Variants in ENTPD1 observed in about 807,000 individuals in gnomAD.
The protein encoded by ENTPD1 is ATP diphosphohydrolase.
In ENTPD1, 33 loss-of-function variants were observed where a neutral mutation model predicts 57.0. That is an observed-to-expected ratio of 0.58 (90% CI 0.44 to 0.77). The LOEUF (loss-of-function observed/expected upper bound fraction) is 0.77. Ranked by LOEUF, ENTPD1 falls within the 30% of genes least tolerant of loss-of-function variation. The probability of loss-of-function intolerance (pLI) is 0.00; values close to 1 mark genes in which losing one functional copy is unlikely to be tolerated. For synonymous variants in ENTPD1, 202 were observed against 218.8 expected, an observed-to-expected ratio of 0.92 and a Z score of 0.68; for missense variants, 501 against 603.4, an observed-to-expected ratio of 0.83 and a Z score of 1.78.
chr10:95,799,729 G>A (rs1462565699), intron 1 of ENTPD1, among the ~76,000 whole-genome samples: 2 of 152,122 alleles, frequency 1.3e-5, no homozygotes, highest in Non-Finnish European at 2.9e-5. Flanking sequence ...TTCCAAAATG[G>A]TTAAACTAAT....
intron 2 of ENTPD1, among the ~76,000 whole-genome samples, chr10:95,837,862 G>A (rs2098413781): frequency 6.6e-6 from 1 of 151,896 alleles, no homozygotes; most frequent in South Asian, 2.1e-4. Flanking sequence ...CCCTACATTG[G>A]TGTCTCCATG....
rs1301448624 is a variant in ENTPD1, at chr10:95,728,722, A to AT, written c.37+16731dup. Among the ~76,000 whole-genome samples the AT allele has an allele frequency of 7.2e-5, 11 of 152,218 alleles. No individual in the cohort carries two copies. In the South Asian group the frequency reaches 1.2e-3, roughly 17 times the overall value. ...GTTCGTCACACAGTGTTTTAAGCAG[A>AT]TTCTTGCAACACTTGAGCTCCCCAC... On this transcript the variant is annotated intron_variant, in intron 1 of 9. Coordinates refer to the ENTPD1 transcript ENST00000453258.
chr10:95,845,211 C>T (rs2098432370), intron 5 of ENTPD1, 146 bp from the exon 6 acceptor site: 2 of 1,036,746 alleles, frequency 1.9e-6, no homozygotes, highest in African/African-American at 3.2e-5. Flanking sequence ...TGCTGATAAT[C>T]TGTTGTAGAT....
the ENTPD1 span, among the ~76,000 whole-genome samples, chr10:95,703,074 C>T: frequency 9.2e-5 from 14 of 152,000 alleles, no homozygotes; most frequent in Admixed American, 3.3e-4. Context: ...TGTGAGCCAC[C>T]GCGCCCGGCC....
chr10:95,805,899 A>C (rs763531291), intron 1 of ENTPD1, among the ~76,000 whole-genome samples: 12 of 152,136 alleles, frequency 7.9e-5, no homozygotes, highest in East Asian at 5.8e-4. Context: ...GGTAACCCGA[A>C]CTTTCTCTCT....
At chr10:95,826,571 CAA>C (rs35615283) in intron 2 of ENTPD1, among the ~76,000 whole-genome samples, 3,699 of 107,824 alleles carry the variant, frequency 0.034, 51 homozygotes, top group African/African-American at 0.036. Flanking sequence ...GACGCCAACT[CAA>C]AAAAAAAAAA....
rs2140880416 is a variant in ENTPD1 at position 95,847,350 on chromosome 10, G to A, written c.814-96G>A. On this transcript the variant is annotated intron_variant, in intron 6 of 9. Transcript: ENST00000371205. ...TATTGATTCCAATACCAAGTGGTGG[G>A]ATGTTGTACAGTGCCTACATATTGA... 4 of 1,407,540 alleles carry A rather than the reference G, an allele frequency of 2.8e-6. No individual in the cohort carries two copies. In the Middle Eastern group the frequency reaches 5.3e-4, roughly 188 times the overall value. 87.2% of individuals were successfully genotyped at this position (1,407,540 alleles called of 1,614,324 possible). A position where few individuals can be genotyped will look rare whatever the true frequency, so the allele number is the denominator to read the frequency against.
At chr10:95,801,549 T>G (rs1323947002) in intron 1 of ENTPD1, among the ~76,000 whole-genome samples, 1 of 151,842 alleles carries the variant, frequency 6.6e-6, no homozygotes, top group Non-Finnish European at 1.5e-5. Context: ...TTCTTTTTAT[T>G]TTTATTTATT....
At chr10:95,799,007 T>C (rs568280969) in intron 1 of ENTPD1, among the ~76,000 whole-genome samples, 57 of 152,314 alleles carry the variant, frequency 3.7e-4, no homozygotes, top group Non-Finnish European at 7.4e-4. Context: ...CTGTGTTCTA[T>C]AGGTAGCCCG....
At chr10:95,830,167 G>A (rs2098391934) in intron 2 of ENTPD1, among the ~76,000 whole-genome samples, 1 of 152,160 alleles carries the variant, frequency 6.6e-6, no homozygotes, top group African/African-American at 2.4e-5. Flanking sequence ...AAGACAAATG[G>A]TAAGGAGTTT....
At position 95,870,670 on chromosome 10, in the gene ENTPD1, A is replaced by T. The variant is rs535781844; in HGVS notation, c.*4287A>T. 1.0e-6 allele frequency: 1 copy of T among 985,362 alleles called. No homozygotes were observed. The highest frequency in any genetic ancestry group is 1.1e-4 in the East Asian group (1 of 8,824). The allele number at this position is 985,362 out of a possible 1,614,324, so 61.0% of individuals were successfully genotyped here. ...ATATTCCCTTTATTGTCAGTTTAAA[A>T]GATGAACTGAGTTTCACCCAAACTG... On this transcript the variant is annotated 3_prime_UTR_variant, in exon 10 of 10. Transcript: ENST00000371205.
intron 9 of ENTPD1, 148 bp downstream of exon 9, chr10:95,865,009 C>G (rs2098471680): frequency 1.0e-6 from 1 of 983,162 alleles, no homozygotes. Flanking sequence ...CCCTGGCATT[C>G]TGTGTCAAGC....
intron 1 of ENTPD1, among the ~76,000 whole-genome samples, chr10:95,768,547 A>G (rs1467838660): frequency 1.1e-5 from 1 of 87,456 alleles, no homozygotes; most frequent in Admixed American, 1.2e-4. Flanking sequence ...TATTCCTTTC[A>G]TTTTCTTCAT....
intron 1 of ENTPD1, among the ~76,000 whole-genome samples, chr10:95,769,986 A>G (rs1311307836): frequency 6.6e-6 from 1 of 152,120 alleles, no homozygotes; most frequent in African/African-American, 2.4e-5. Context: ...CCTATTTGAC[A>G]TGGGTCTTTC....
intron 7 of ENTPD1, among the ~76,000 whole-genome samples, chr10:95,857,872 A>G (rs2140953218): frequency 6.6e-6 from 1 of 152,310 alleles, no homozygotes; most frequent in Admixed American, 6.5e-5. Flanking sequence ...ATCAAAAGGA[A>G]CTGCTGGGGC....
chr10:95,876,097 T>C lies in ENTPD1; in HGVS notation c.*9714T>C. ...AAGGTTTGAAACCTGAAATGCAGTC[T>C]ATTATCATACATAACTAAAAATAGA... is the stretch of plus-strand genomic sequence containing the variant. On this transcript the variant is annotated 3_prime_UTR_variant, in exon 10 of 10. Transcript: ENST00000371205. The C allele has an allele frequency of 4.1e-6, 4 of 985,448 alleles. No homozygotes were observed. Among genetic ancestry groups the C allele is most frequent in the Non-Finnish European group, 4.8e-6 (4 of 829,914 alleles). 61.0% of individuals were successfully genotyped at this position (985,448 alleles called of 1,614,324 possible).
intron 2 of ENTPD1, among the ~76,000 whole-genome samples, chr10:95,826,895 T>A (rs1771430924): frequency 6.6e-6 from 1 of 152,108 alleles, no homozygotes; most frequent in South Asian, 2.1e-4. Context: ...AGGGGGAGCC[T>A]TTGGGTTCAA....
At chr10:95,707,180 C>A (rs2097962903), upstream of ENTPD1, among the ~76,000 whole-genome samples, 1 of 152,170 alleles carries the variant, frequency 6.6e-6, no homozygotes, top group Non-Finnish European at 1.5e-5. Flanking sequence ...GTCGTGGGGG[C>A]TGCAGCTGCA....
intron 1 of ENTPD1, among the ~76,000 whole-genome samples, chr10:95,715,561 T>A (rs934252695): frequency 6.6e-6 from 1 of 152,186 alleles, no homozygotes; most frequent in African/African-American, 2.4e-5. Context: ...GTTATTGGTA[T>A]GTTTGGATTT....
Sources: allele counts gnomAD v4.1 joint callset (sites outside exome capture counted in the v4.1 genomes callset), GRCh38; gene constraint gnomAD v4.1.1; transcripts MANE v1.5; gene names NCBI Gene and HGNC (gene_info 2026-07-23, HGNC 2026-07-21).